Variants in CDH7 observed in about 807,000 individuals in gnomAD.
CDH7 encodes cadherin 7.
CDH7 carries 25 observed loss-of-function variants against 71.8 expected under a neutral mutation model. That is an observed-to-expected ratio of 0.35 (90% confidence interval 0.25 to 0.49). The LOEUF (loss-of-function observed/expected upper bound fraction) is 0.49. Ranked by LOEUF, CDH7 falls within the 20% of genes least tolerant of loss-of-function variation. The probability of loss-of-function intolerance (pLI) is 0.99; values close to 1 mark genes in which losing one functional copy is unlikely to be tolerated. For missense variants in CDH7, 862 were observed against 974.6 expected (o/e 0.88, Z 1.54); for synonymous variants, 381 against 363.8 (o/e 1.05, Z -0.54).
intron 6 of CDH7, among the ~76,000 whole-genome samples, chr18:65,840,541 T>G (rs1401050199): frequency 6.6e-6 from 1 of 152,108 alleles, no homozygotes; most frequent in Non-Finnish European, 1.5e-5. Context: ...AAGGAACCAG[T>G]GGGAGATAAT....
chr18:65,753,927 C>G (rs1003486108), intron 1 of CDH7, among the ~76,000 whole-genome samples: 27 of 152,250 alleles, frequency 1.8e-4, no homozygotes, highest in African/African-American at 6.0e-4. Flanking sequence ...TGCTATTTTG[C>G]AAAGTGTTTA....
intron 2 of CDH7, among the ~76,000 whole-genome samples, chr18:65,781,562 C>T (rs948090607): frequency 2.6e-5 from 4 of 152,090 alleles, no homozygotes; most frequent in African/African-American, 9.7e-5. Flanking sequence ...TAAAAGGCTA[C>T]ATTGTTGGAG....
chr18:65,811,041 TA>T (rs942644343), intron 3 of CDH7, among the ~76,000 whole-genome samples: 2 of 152,142 alleles, frequency 1.3e-5, no homozygotes, highest in African/African-American at 4.8e-5. Flanking sequence ...GGAAATCTTA[TA>T]AAAAATACAA....
chr18:65,789,522 A>G (rs1199694681), intron 2 of CDH7, among the ~76,000 whole-genome samples: 1 of 151,694 alleles, frequency 6.6e-6, no homozygotes, highest in Non-Finnish European at 1.5e-5. Flanking sequence ...GTTCTGAGCC[A>G]ATTTGCATTT....
chr18:65,755,650 A>G (rs1916008292), intron 1 of CDH7, among the ~76,000 whole-genome samples: 2 of 152,212 alleles, frequency 1.3e-5, no homozygotes, highest in Non-Finnish European at 2.9e-5. Context: ...GGAGGGGATT[A>G]GAATATATTT....
chr18:65,820,562 C>G (rs141346542), intron 4 of CDH7, among the ~76,000 whole-genome samples: 38 of 152,174 alleles, frequency 2.5e-4, no homozygotes, highest in African/African-American at 9.2e-4. Context: ...AGTGGGTGTT[C>G]TTCTTTCAAG....
intron 2 of CDH7, among the ~76,000 whole-genome samples, chr18:65,775,968 T>C (rs1026797292): frequency 6.6e-6 from 1 of 152,166 alleles, no homozygotes; most frequent in Non-Finnish European, 1.5e-5. Context: ...CTTTGAAATA[T>C]AGAAAGTATT....
rs1914454993 is a variant in CDH7, at chr18:65,889,577, T to G, written c.*8683T>G. 6.6e-6 allele frequency: 1 copy of G among 152,108 alleles called. No individual in the cohort carries two copies. The highest frequency in any genetic ancestry group is 1.5e-5 in the Non-Finnish European group (1 of 68,018). 9.4% of individuals were successfully genotyped at this position (152,108 alleles called of 1,614,324 possible). On this transcript the variant is annotated 3_prime_UTR_variant, in exon 12 of 12. Transcript: ENST00000397968. ...GAACTTCAGATAATTCAGGTAATTA[T>G]CAGAAACATGACAAGAAAAAGCTTT...
At position 65,883,013 on chromosome 18, in the gene CDH7, T is replaced by C. The variant is rs556787615; in HGVS notation, c.*2119T>C. ...CACTAAACGGAGGTGTGGATGTATT[T>C]TAGAAAAGGAACACACATCATTCAC... On this transcript the variant is annotated 3_prime_UTR_variant, in exon 12 of 12. Coordinates refer to ENST00000397968, the MANE Select transcript of CDH7 (RefSeq NM_004361.5). The C allele has an allele frequency of 1.4e-4, 22 of 152,214 alleles. No individual in the cohort carries two copies. The highest frequency in any genetic ancestry group is 5.3e-4 in the African/African-American group (22 of 41,558). 9.4% of individuals were successfully genotyped at this position (152,214 alleles called of 1,614,324 possible). A position where few individuals can be genotyped will look rare whatever the true frequency, so the allele number is the denominator to read the frequency against.
At chr18:65,755,519 T>C in intron 1 of CDH7, among the ~76,000 whole-genome samples, 1 of 152,204 alleles carries the variant, frequency 6.6e-6, no homozygotes, top group African/African-American at 2.4e-5. Context: ...GACATTGTCC[T>C]GAATAGTGTG....
At chr18:65,767,768 C>T (rs1230551639) in intron 2 of CDH7, among the ~76,000 whole-genome samples, 1 of 152,168 alleles carries the variant, frequency 6.6e-6, no homozygotes, top group African/African-American at 2.4e-5. Context: ...CAAATAAGTT[C>T]AGATTTTTAG....
chr18:65,798,516 A>C (rs1190677964), intron 2 of CDH7, among the ~76,000 whole-genome samples: 1 of 152,220 alleles, frequency 6.6e-6, no homozygotes, highest in Non-Finnish European at 1.5e-5. Flanking sequence ...TAAGAAACAG[A>C]CCTGGACCAG....
intron 11 of CDH7, among the ~76,000 whole-genome samples, chr18:65,872,655 G>A (rs1162605724): frequency 6.6e-6 from 1 of 152,110 alleles, no homozygotes; most frequent in African/African-American, 2.4e-5. Context: ...CAGCAGTTTG[G>A]GAGGATGAGG....
intron 2 of CDH7, among the ~76,000 whole-genome samples, chr18:65,798,554 G>A (rs1231367366): frequency 2.6e-5 from 4 of 152,198 alleles, no homozygotes; most frequent in Non-Finnish European, 5.9e-5. Context: ...ATTTATTGGT[G>A]TGCATTCTTG....
chr18:65,807,096 T>G (rs1911352803), intron 2 of CDH7, among the ~76,000 whole-genome samples: 1 of 151,232 alleles, frequency 6.6e-6, no homozygotes, highest in Non-Finnish European at 1.5e-5. Flanking sequence ...AAACAGGATG[T>G]GTGCGTGGGG....
rs150034539 is a variant in CDH7 at position 65,843,991 on chromosome 18, G to A, written c.1161G>A (p.Ser387=). ...FSSPLYPMEV[S]EATQVGNIIG... is the part of the protein sequence containing the mutation. The stretch of plus-strand genomic sequence containing the variant: ...CACCCTTGTACCCTATGGAGGTGTC[G>A]GAAGCTACCCAGGTTGGGAATATCA... Residue 387 remains serine (S), a synonymous_variant, in exon 7 of 12, where the codon TCG becomes TCA. Coordinates refer to ENST00000397968, the MANE Select transcript of CDH7 (RefSeq NM_004361.5). The A allele has an allele frequency of 7.3e-5, 117 of 1,612,802 alleles. No individual in the cohort carries two copies. In the African/African-American group the frequency reaches 1.2e-3, roughly 16 times the overall value.
intron 2 of CDH7, among the ~76,000 whole-genome samples, chr18:65,797,840 G>A (rs979205726): frequency 6.6e-6 from 1 of 152,110 alleles, no homozygotes; most frequent in Non-Finnish European, 1.5e-5. Context: ...CAAAATGATA[G>A]TACAATGGAA....
intron 6 of CDH7, 81 bp downstream of exon 6, chr18:65,824,912 C>T (rs1385681560): frequency 3.3e-6 from 3 of 896,170 alleles, no homozygotes; most frequent in Non-Finnish European, 3.3e-6. Context: ...CTAGACAAAC[C>T]GAATGGCCAT....
In CDH7 at chr18:65,782,115, T is replaced by C. The variant is rs867884781; in HGVS notation, c.210+19063T>C. Reference sequence around the variant, plus strand: ...CCTTCCTTCCTTCCTTCCTTCTTTCTTTCTTTCTTTCTTTCTTTCTTTCTT... The same window carrying C: ...CCTTCCTTCCTTCCTTCCTTCTTTCCTTCTTTCTTTCTTTCTTTCTTTCTT... On this transcript the variant is annotated intron_variant, in intron 2 of 11. Transcript: ENST00000397968. Among the ~76,000 whole-genome samples the C allele has an allele frequency of 2.1e-3, 98 of 45,688 alleles. 1 individual carries two copies. The highest frequency in any genetic ancestry group is 3.4e-3 in the East Asian group (6 of 1,748). 30.0% of individuals were successfully genotyped at this position (45,688 alleles called of 152,430 possible). A position where few individuals can be genotyped will look rare whatever the true frequency, so the allele number is the denominator to read the frequency against.
Sources: allele counts gnomAD v4.1 joint callset (sites outside exome capture counted in the v4.1 genomes callset), GRCh38; gene constraint gnomAD v4.1.1; transcripts MANE v1.5; gene names NCBI Gene and HGNC (gene_info 2026-07-23, HGNC 2026-07-21).